The following ZMYM5 variants were observed in gnomAD, a reference collection of about 807,000 sequenced individuals.
ZMYM5 encodes zinc finger MYM-type protein 5.
A neutral mutation model predicts 61.8 loss-of-function variants in ZMYM5; 41 were observed. The observed-to-expected ratio is 0.66, with a 90% confidence interval of 0.52 to 0.86. The LOEUF (loss-of-function observed/expected upper bound fraction) is 0.86. Ranked by LOEUF, ZMYM5 falls within the 40% of genes least tolerant of loss-of-function variation. ZMYM5 has a pLI of 0.00. For missense variants in ZMYM5, 706 were observed against 786.7 expected (o/e 0.90, Z 1.23); for synonymous variants, 257 against 276.4 (o/e 0.93, Z 0.70).
intron 4 of ZMYM5, among the ~76,000 whole-genome samples, chr13:19,848,628 G>C (rs1041533434): frequency 6.6e-6 from 1 of 151,888 alleles, no homozygotes; most frequent in African/African-American, 2.4e-5. Context: ...CTGCCTCCCA[G>C]GTTCAAGTGA....
chr13:19,852,054 C>G lies in ZMYM5; in HGVS notation c.127G>C (p.Val43Leu), dbSNP rs1389990212. 6.2e-7 allele frequency: 1 copy of G among 1,613,958 alleles called. No individual in the cohort carries two copies. Among genetic ancestry groups the G allele is most frequent in the Non-Finnish European group, 8.5e-7 (1 of 1,180,010 alleles). Residue 43 changes from valine to leucine, a missense_variant, in exon 3 of 8, where the codon GTC becomes CTC. This residue lies in a region of ZMYM5 where 480 missense variants were observed against 461.7 expected (regional missense o/e 1.04). Transcript: ENST00000337963. ...DSFGHPACPL[V>L]SRSRNSPVED... ...ACTGGTGAGTTCCTAGATCTACTGA[C>G]TAAAGGACAAGCTGGATGACCAAAT...
intron 7 of ZMYM5, among the ~76,000 whole-genome samples, chr13:19,829,804 CAA>C (rs1327702613): frequency 6.6e-6 from 1 of 152,116 alleles, no homozygotes; most frequent in Non-Finnish European, 1.5e-5. Context: ...TTCCAAATCT[CAA>C]AGTTACTTGT....
At chr13:19,841,168 T>C (rs995914507) in intron 4 of ZMYM5, among the ~76,000 whole-genome samples, 4 of 152,044 alleles carry the variant, frequency 2.6e-5, no homozygotes, top group African/African-American at 9.7e-5. Flanking sequence ...TTTCACCATG[T>C]TGGTCAGGCT....
rs566888666 is a variant in ZMYM5 at position 19,828,943 on chromosome 13, C to T, written c.1252-3708G>A. Among the ~76,000 whole-genome samples the T allele has an allele frequency of 2.0e-5, 3 of 152,164 alleles. No homozygotes were observed. The East Asian group carries it at 5.8e-4, about 29-fold the overall frequency. ...GTGGTCCCCTAAGAGTATAATGGAG[C>T]TGAAAAATTCCTATCACCTAGCCGA... On this transcript the variant is annotated intron_variant, in intron 7 of 7. Transcript: ENST00000337963.
chr13:19,849,277 C>A (rs1158689443), intron 4 of ZMYM5, among the ~76,000 whole-genome samples: 1 of 151,992 alleles, frequency 6.6e-6, no homozygotes, highest in Non-Finnish European at 1.5e-5. Flanking sequence ...CACATCATGG[C>A]GCCTGGCTAA....
At chr13:19,842,491 C>T (rs950016171) in intron 4 of ZMYM5, among the ~76,000 whole-genome samples, 2 of 151,980 alleles carry the variant, frequency 1.3e-5, no homozygotes, top group Non-Finnish European at 2.9e-5. Context: ...CTGGTAAAAC[C>T]TAATTTGTTG....
intron 2 of ZMYM5, among the ~76,000 whole-genome samples, chr13:19,859,257 A>C (rs1042176120): frequency 1.3e-5 from 2 of 152,132 alleles, no homozygotes; most frequent in Non-Finnish European, 2.9e-5. Context: ...CTGCGGAACT[A>C]AGAATCAGCA....
intron 4 of ZMYM5, among the ~76,000 whole-genome samples, chr13:19,845,999 G>C (rs1033338614): frequency 4.6e-5 from 7 of 152,094 alleles, no homozygotes; most frequent in Admixed American, 6.6e-5. Context: ...TCATCTTTCT[G>C]GTGTTTAGAC....
chr13:19,835,838 T>C (rs80336248), intron 6 of ZMYM5, 149 bp from the exon 7 acceptor site: 1 of 505,740 alleles, frequency 2.0e-6, no homozygotes, highest in South Asian at 2.0e-5. Flanking sequence ...TTTTTTTTTT[T>C]TCTGAGATAG....
chr13:19,841,548 T>C (rs1952878912), intron 4 of ZMYM5, among the ~76,000 whole-genome samples: 1 of 152,204 alleles, frequency 6.6e-6, no homozygotes, highest in Non-Finnish European at 1.5e-5. Flanking sequence ...TTTTCCCTAA[T>C]TATTCTCAGC....
At chr13:19,853,121 G>C (rs1384780141) in intron 2 of ZMYM5, among the ~76,000 whole-genome samples, 9 of 152,170 alleles carry the variant, frequency 5.9e-5, no homozygotes, top group Non-Finnish European at 4.4e-5. Flanking sequence ...CAAAATGCTG[G>C]GATTACAGGC....
Position 19,838,914 on chromosome 13 carries a change from C to A in ZMYM5, c.658G>T (p.Val220Leu), listed in dbSNP as rs554917035. Reference sequence around the variant, plus strand: ...AAATTCTGCTTACGAAGTAAGGCCACTGGTGATAAAGAATCCACCCCTGGC... The same window carrying A: ...AAATTCTGCTTACGAAGTAAGGCCAATGGTGATAAAGAATCCACCCCTGGC... ...KQPGVDSLSPVALLRKQNFQP... is the reference protein window; with the variant it reads ...KQPGVDSLSPLALLRKQNFQP... The change falls in exon 5 of 8, where the codon GTG becomes TTG. Residue 220 changes from valine (V) to leucine (L), a missense_variant. Transcript: ENST00000337963. The A allele has an allele frequency of 8.2e-5, 132 of 1,614,056 alleles. 3 individuals are homozygous for A. The South Asian group carries it at 1.4e-3, about 18-fold the overall frequency.
At chr13:19,859,156 T>A (rs2138659935) in intron 2 of ZMYM5, among the ~76,000 whole-genome samples, 1 of 152,122 alleles carries the variant, frequency 6.6e-6, no homozygotes, top group South Asian at 2.1e-4. Flanking sequence ...TCCCCTCTCC[T>A]ACTTGATTCC....
intron 7 of ZMYM5, among the ~76,000 whole-genome samples, chr13:19,832,219 C>T (rs893289885): frequency 2.0e-5 from 3 of 152,032 alleles, no homozygotes; most frequent in East Asian, 3.8e-4. Context: ...TTATAATCTA[C>T]GTGTAATTCT....
intron 7 of ZMYM5, among the ~76,000 whole-genome samples, chr13:19,828,811 G>A (rs1001342912): frequency 6.6e-6 from 1 of 152,186 alleles, no homozygotes; most frequent in Non-Finnish European, 1.5e-5. Flanking sequence ...GCATTTGGGT[G>A]GATGGTGGCT....
In ZMYM5 at chr13:19,824,422, G is replaced by A; in HGVS notation, c.*55C>T. 8.0e-7 allele frequency: 1 copy of A among 1,249,220 alleles called. No individual in the cohort carries two copies. Among genetic ancestry groups the A allele is most frequent in the Non-Finnish European group, 1.0e-6 (1 of 972,998 alleles). 77.4% of individuals were successfully genotyped at this position (1,249,220 alleles called of 1,614,324 possible). ...TAGTACTGACTATTGCAGGACAGAT[G>A]TTTTCTGAGTAATGTAAGATTCTGA... On this transcript the variant is annotated 3_prime_UTR_variant, in exon 8 of 8. Coordinates refer to ENST00000337963, the MANE Select transcript of ZMYM5 (RefSeq NM_001142684.2).
chr13:19,838,596 A>C, intron 5 of ZMYM5, 104 bp downstream of exon 5: 1 of 1,413,110 alleles, frequency 7.1e-7, no homozygotes, highest in Non-Finnish European at 9.6e-7. Context: ...ACACTCCTGC[A>C]ACAATTCTAC....
intron 2 of ZMYM5, among the ~76,000 whole-genome samples, chr13:19,857,154 A>G (rs905751189): frequency 6.6e-6 from 1 of 152,214 alleles, no homozygotes; most frequent in Non-Finnish European, 1.5e-5. Flanking sequence ...CTTACCATAA[A>G]AAGGTATTTA....
chr13:19,842,133 C>T (rs566618136), intron 4 of ZMYM5: 4 of 152,256 alleles, frequency 2.6e-5, no homozygotes, highest in African/African-American at 9.6e-5. Context: ...TTTCATAAAA[C>T]GGAATGCAGT....
Sources: allele counts gnomAD v4.1 joint callset (sites outside exome capture counted in the v4.1 genomes callset), GRCh38; gene constraint gnomAD v4.1.1; regional missense constraint gnomAD v4.1.1; transcripts MANE v1.5; gene names NCBI Gene and HGNC (gene_info 2026-07-23, HGNC 2026-07-21).